The following KCND2 variants were observed in gnomAD, a reference collection of about 807,000 sequenced individuals.
KCND2 encodes the protein potassium voltage-gated channel subfamily D member 2.
Under a neutral mutation model 54.4 loss-of-function variants are expected in KCND2, and 16 were observed. That is an observed-to-expected ratio of 0.29 (90% CI 0.20 to 0.45). The LOEUF is 0.45. Among genes scored for constraint, KCND2 ranks in the 20% least tolerant of loss-of-function variants. The probability of loss-of-function intolerance (pLI) is 1.00; values close to 1 mark genes in which losing one functional copy is unlikely to be tolerated. For missense variants in KCND2, 486 were observed against 824.2 expected (o/e 0.59, Z 5.02); for synonymous variants, 317 against 310.7 (o/e 1.02, Z -0.21).
At chr7:120,566,998 T>C (rs1330437214) in intron 1 of KCND2, among the ~76,000 whole-genome samples, 1 of 151,914 alleles carries the variant, frequency 6.6e-6, no homozygotes, top group Non-Finnish European at 1.5e-5. Flanking sequence ...ATTTTGTCTG[T>C]GTATAAACCT....
At chr7:120,506,390 C>T (rs1666314177) in intron 1 of KCND2, among the ~76,000 whole-genome samples, 1 of 151,744 alleles carries the variant, frequency 6.6e-6, no homozygotes, top group African/African-American at 2.4e-5. Context: ...CAATTAGCTC[C>T]TCTTTGTTCT....
intron 1 of KCND2, among the ~76,000 whole-genome samples, chr7:120,534,149 C>G (rs987704638): frequency 1.3e-5 from 2 of 152,092 alleles, no homozygotes; most frequent in Non-Finnish European, 2.9e-5. Flanking sequence ...TGAATGTAGG[C>G]TGTGCTTGGT....
At position 120,359,917 on chromosome 7, in the gene KCND2, G is replaced by A. The variant is rs115586624; in HGVS notation, c.1115+84170G>A. On this transcript the variant is annotated intron_variant, in intron 1 of 5. Transcript: ENST00000331113. ...TCTCTCATCTGCCACCATGTAAGCC[G>A]TGCCTGCTTCCTCTTCTGCCATGAT... Among the ~76,000 whole-genome samples the A allele has an allele frequency of 2.8e-3, 430 of 152,110 alleles. 1 individual carries two copies. Among genetic ancestry groups the A allele is most frequent in the African/African-American group, 9.2e-3 (383 of 41,524 alleles).
chr7:120,626,995 G>A (rs1382759315), intron 1 of KCND2, among the ~76,000 whole-genome samples: 2 of 152,120 alleles, frequency 1.3e-5, no homozygotes, highest in Non-Finnish European at 2.9e-5. Context: ...AATTCTCTGT[G>A]ATTTTTATCT....
chr7:120,501,689 T>C (rs570330287), intron 1 of KCND2, among the ~76,000 whole-genome samples: 1 of 152,262 alleles, frequency 6.6e-6, no homozygotes, highest in East Asian at 1.9e-4. Flanking sequence ...ACTGCAGATA[T>C]GCTTAGACAC....
At chr7:120,291,986 C>T (rs561198757) in intron 1 of KCND2, among the ~76,000 whole-genome samples, 1 of 151,914 alleles carries the variant, frequency 6.6e-6, no homozygotes, top group South Asian at 2.1e-4. Flanking sequence ...ACTAAATTTT[C>T]AGCTGATTTC....
intron 1 of KCND2, among the ~76,000 whole-genome samples, chr7:120,701,233 G>A (rs905020500): frequency 1.0e-5 from 1 of 97,722 alleles, no homozygotes; most frequent in African/African-American, 4.0e-5. Flanking sequence ...TGGCTGTAAT[G>A]CCTAGCTAAA....
At chr7:120,676,406 T>C (rs1792061207) in intron 1 of KCND2, among the ~76,000 whole-genome samples, 1 of 152,180 alleles carries the variant, frequency 6.6e-6, no homozygotes, top group Non-Finnish European at 1.5e-5. Context: ...CCCACCATAC[T>C]CTTGCTCTGC....
chr7:120,746,972 T>C (rs761166004), intron 5 of KCND2: 2 of 152,168 alleles, frequency 1.3e-5, no homozygotes, highest in Non-Finnish European at 2.9e-5. Flanking sequence ...TGCAGTTTTA[T>C]ATCCTTTATA....
chr7:120,536,260 T>C (rs1156996619), intron 1 of KCND2, among the ~76,000 whole-genome samples: 2 of 152,280 alleles, frequency 1.3e-5, no homozygotes, highest in East Asian at 3.9e-4. Flanking sequence ...TATATATTGC[T>C]AAAAAATGTT....
intron 1 of KCND2, among the ~76,000 whole-genome samples, chr7:120,394,127 C>T (rs1055391843): frequency 4.6e-5 from 7 of 151,836 alleles, no homozygotes; most frequent in East Asian, 1.9e-4. Context: ...TCACTGAGAC[C>T]GCATCATTGA....
At chr7:120,358,262 G>A (rs79411818) in intron 1 of KCND2, among the ~76,000 whole-genome samples, 84 of 152,186 alleles carry the variant, frequency 5.5e-4, no homozygotes, top group Non-Finnish European at 1.0e-3. Context: ...AAATCCTCTC[G>A]AAGTTGTCAT....
At chr7:120,670,475 G>C (rs1791977858) in intron 1 of KCND2, among the ~76,000 whole-genome samples, 2 of 152,064 alleles carry the variant, frequency 1.3e-5, no homozygotes, top group Non-Finnish European at 2.9e-5. Flanking sequence ...CCATGGATTT[G>C]TTGCTAACTG....
chr7:120,656,314 G>A (rs114802879), intron 1 of KCND2, among the ~76,000 whole-genome samples: 13 of 152,174 alleles, frequency 8.5e-5, no homozygotes, highest in African/African-American at 3.1e-4. Flanking sequence ...TACTCTAAAG[G>A]CAAATGTGTG....
intron 1 of KCND2, among the ~76,000 whole-genome samples, chr7:120,445,968 T>G (rs1802012761): frequency 1.3e-5 from 2 of 152,202 alleles, no homozygotes; most frequent in African/African-American, 4.8e-5. Flanking sequence ...AAATTTTGCA[T>G]GCTTATCACC....
chr7:120,693,551 T>C (rs1792297726), intron 1 of KCND2, among the ~76,000 whole-genome samples: 2 of 151,326 alleles, frequency 1.3e-5, no homozygotes, highest in African/African-American at 4.8e-5. Context: ...AAAGGAAGGA[T>C]AAAAAGAAAG....
At chr7:120,463,901 T>TAGATAGATAGATA (rs1554356934) in intron 1 of KCND2, 2 of 161,754 alleles carry the variant, frequency 1.2e-5, no homozygotes, top group African/African-American at 5.1e-5. Flanking sequence ...GATAGATGAT[T>TAGATAGATAGATA]GATAGATAGA....
intron 1 of KCND2, among the ~76,000 whole-genome samples, chr7:120,676,788 G>T (rs76184413): frequency 2.6e-5 from 4 of 152,018 alleles, no homozygotes; most frequent in South Asian, 4.1e-4. Context: ...GGCCTGTTTC[G>T]AAATGTAATG....
intron 1 of KCND2, among the ~76,000 whole-genome samples, chr7:120,421,230 T>A (rs1354594213): frequency 6.6e-6 from 1 of 152,236 alleles, no homozygotes; most frequent in Non-Finnish European, 1.5e-5. Context: ...ATGTCAGCTG[T>A]CCTTTCTATG....
Sources: allele counts gnomAD v4.1 joint callset (sites outside exome capture counted in the v4.1 genomes callset), GRCh38; gene constraint gnomAD v4.1.1; transcripts MANE v1.5; gene names NCBI Gene and HGNC (gene_info 2026-07-23, HGNC 2026-07-21).